The following IMMP2L variants were observed in gnomAD, a reference collection of about 807,000 sequenced individuals.
IMMP2L encodes inner mitochondrial membrane peptidase subunit 2.
A neutral mutation model predicts 19.3 loss-of-function variants in IMMP2L; 18 were observed. The ratio of observed to expected loss-of-function variants is 0.93; its 90% confidence interval spans 0.64 to 1.38. The LOEUF (loss-of-function observed/expected upper bound fraction) is 1.38. IMMP2L is among the 40% of genes most tolerant of loss of function. IMMP2L has a pLI of 0.00. For missense variants in IMMP2L, 233 were observed against 218.2 expected, an observed-to-expected ratio of 1.07 and a Z score of -0.43; for synonymous variants, 76 against 73.0, an observed-to-expected ratio of 1.04 and a Z score of -0.21.
chr7:111,119,693 A>T (rs1203627424), intron 3 of IMMP2L, among the ~76,000 whole-genome samples: 3 of 152,346 alleles, frequency 2.0e-5, no homozygotes, highest in Non-Finnish European at 4.4e-5. Flanking sequence ...GATTCTACTA[A>T]TACAATTCAT....
chr7:110,743,932 G>A (rs1797155746), intron 5 of IMMP2L, among the ~76,000 whole-genome samples: 1 of 152,120 alleles, frequency 6.6e-6, no homozygotes, highest in Admixed American at 6.5e-5. Context: ...CCCTGCAAAG[G>A]GGGCTGAAGC....
intron 3 of IMMP2L, among the ~76,000 whole-genome samples, chr7:111,127,192 T>C (rs572963169): frequency 1.3e-5 from 2 of 152,324 alleles, no homozygotes; most frequent in South Asian, 2.1e-4. Context: ...CAGCCAGACA[T>C]GCTCATACAT....
intron 3 of IMMP2L, among the ~76,000 whole-genome samples, chr7:111,142,444 G>A (rs2062459665): frequency 6.6e-6 from 1 of 151,734 alleles, no homozygotes; most frequent in Non-Finnish European, 1.5e-5. Context: ...GTATTACAAA[G>A]CTGCCTGCAT....
chr7:110,858,203 A>C (rs2091487), intron 5 of IMMP2L, among the ~76,000 whole-genome samples: 140 of 152,192 alleles, frequency 9.2e-4, no homozygotes, highest in African/African-American at 3.1e-3. Context: ...CTCAAATAAC[A>C]ATTACAGTGG....
At chr7:110,841,382 T>A (rs916301734) in intron 5 of IMMP2L, among the ~76,000 whole-genome samples, 1 of 137,120 alleles carries the variant, frequency 7.3e-6, no homozygotes, top group Admixed American at 8.1e-5. Context: ...AAAAAGGACA[T>A]GATTCTTGTC....
intron 3 of IMMP2L, among the ~76,000 whole-genome samples, chr7:110,999,286 T>C (rs1823375294): frequency 6.6e-6 from 1 of 151,266 alleles, no homozygotes. Context: ...TGCTACTATT[T>C]TCTTGTTAAT....
intron 3 of IMMP2L, among the ~76,000 whole-genome samples, chr7:111,479,363 G>A (rs1841986207): frequency 6.6e-6 from 1 of 152,036 alleles, no homozygotes; most frequent in Non-Finnish European, 1.5e-5. Context: ...TATTCACAGT[G>A]TAGGCCTTAG....
chr7:110,955,622 C>G (rs902492720), intron 4 of IMMP2L, among the ~76,000 whole-genome samples: 4 of 151,948 alleles, frequency 2.6e-5, no homozygotes, highest in Non-Finnish European at 5.9e-5. Flanking sequence ...ACCTTCTGCT[C>G]AAGCTACCAA....
intron 2 of IMMP2L, among the ~76,000 whole-genome samples, chr7:111,506,028 T>G (rs1844861031): frequency 6.6e-6 from 1 of 151,698 alleles, no homozygotes; most frequent in Admixed American, 6.6e-5. Context: ...AACCCCAGCT[T>G]CTTGGGAGGC....
At chr7:110,837,387 G>C (rs1228661923) in intron 5 of IMMP2L, among the ~76,000 whole-genome samples, 1 of 151,900 alleles carries the variant, frequency 6.6e-6, no homozygotes, top group Non-Finnish European at 1.5e-5. Flanking sequence ...CAGAGAAAGA[G>C]ACAGAAAGGG....
rs567431969 is a variant in IMMP2L at position 110,681,785 on chromosome 7, A to C, written c.409-18064T>G. 1.9e-3 allele frequency among the ~76,000 whole-genome samples: 282 copies of C among 152,222 alleles called. 1 individual carries two copies. The highest frequency in any genetic ancestry group is 6.4e-3 in the African/African-American group (265 of 41,552). ...TTGACCCATGCAATGTGTTTGGCAGAAGTGGAGAAGAGGTTGTAGGAATTG... is the reference window on the plus strand; with the variant it reads ...TTGACCCATGCAATGTGTTTGGCAGCAGTGGAGAAGAGGTTGTAGGAATTG... On this transcript the variant is annotated intron_variant, in intron 5 of 5. Transcript: ENST00000405709.
At chr7:111,094,353 C>T (rs536572748) in intron 3 of IMMP2L, among the ~76,000 whole-genome samples, 2 of 152,174 alleles carry the variant, frequency 1.3e-5, no homozygotes, top group Admixed American at 1.3e-4. Context: ...TAAAAGAAAG[C>T]TAATAGTAGA....
chr7:110,985,330 C>A (rs1187553922), intron 3 of IMMP2L, among the ~76,000 whole-genome samples: 1 of 152,080 alleles, frequency 6.6e-6, no homozygotes, highest in Non-Finnish European at 1.5e-5. Flanking sequence ...AAATTGTTTT[C>A]TGTAACTTGC....
At chr7:110,786,855 C>G (rs1025397247) in intron 5 of IMMP2L, among the ~76,000 whole-genome samples, 1 of 151,974 alleles carries the variant, frequency 6.6e-6, no homozygotes, top group Non-Finnish European at 1.5e-5. Flanking sequence ...TTTAATCAGG[C>G]ATTTCTCCAT....
intron 4 of IMMP2L, among the ~76,000 whole-genome samples, chr7:110,948,616 T>A (rs780851482): frequency 6.6e-6 from 1 of 152,232 alleles, no homozygotes; most frequent in Non-Finnish European, 1.5e-5. Flanking sequence ...AAATTTAGTA[T>A]TCTTTTTTGT....
intron 5 of IMMP2L, among the ~76,000 whole-genome samples, chr7:110,833,598 C>A (rs1033169271): frequency 6.6e-6 from 1 of 152,088 alleles, no homozygotes; most frequent in Non-Finnish European, 1.5e-5. Context: ...TAAATTTAAT[C>A]TTTCAGCTTT....
chr7:111,290,223 A>G (rs1214035191), intron 3 of IMMP2L, among the ~76,000 whole-genome samples: 1 of 152,206 alleles, frequency 6.6e-6, no homozygotes, highest in Non-Finnish European at 1.5e-5. Flanking sequence ...ACCATTAGGT[A>G]TCATGTGCAT....
chr7:111,148,333 T>C (rs1367989072), intron 3 of IMMP2L, among the ~76,000 whole-genome samples: 1 of 151,926 alleles, frequency 6.6e-6, no homozygotes, highest in Non-Finnish European at 1.5e-5. Flanking sequence ...AAAGTAGAAG[T>C]AGACAGTGCT....
chr7:111,356,885 G>A (rs1828760054), intron 3 of IMMP2L, among the ~76,000 whole-genome samples: 1 of 152,036 alleles, frequency 6.6e-6, no homozygotes, highest in South Asian at 2.1e-4. Context: ...AAATTAGCCA[G>A]GCGTTGTGGT....
Sources: allele counts gnomAD v4.1 joint callset (sites outside exome capture counted in the v4.1 genomes callset), GRCh38; gene constraint gnomAD v4.1.1; transcripts MANE v1.5; gene names NCBI Gene and HGNC (gene_info 2026-07-23, HGNC 2026-07-21).